The following CDS1 variants were observed in gnomAD, a reference collection of about 807,000 sequenced individuals.
CDS1 encodes the protein phosphatidate cytidylyltransferase 1.
A neutral mutation model predicts 62.1 loss-of-function variants in CDS1; 41 were observed. The ratio of observed to expected loss-of-function variants is 0.66; its 90% CI spans 0.51 to 0.86. The LOEUF is 0.86. Ranked by LOEUF, CDS1 falls within the 40% of genes least tolerant of loss-of-function variation. CDS1 has a pLI of 0.00. For missense variants in CDS1, 470 were observed against 550.1 expected, an observed-to-expected ratio of 0.85 and a Z score of 1.46; for synonymous variants, 185 against 192.6, an observed-to-expected ratio of 0.96 and a Z score of 0.32.
At position 84,609,497 on chromosome 4, in the gene CDS1, A is replaced by G. The variant is rs373758079; in HGVS notation, c.314A>G (p.Tyr105Cys). Residue 105 changes from tyrosine (Y) to cysteine (C), a missense_variant, in exon 3 of 13, where the codon TAT becomes TGT. By Grantham distance (194) the Tyr-to-Cys change is radical. Coordinates refer to ENST00000295887, the MANE Select transcript of CDS1 (RefSeq NM_001263.4). ...TMISLFFLII[Y>C]MGSFMLMLLV... ...ATCTCGTTGTTTTTCCTGATCATCT[A>G]TATGGGATCCTTCATGCTGATGCTT... The G allele has an allele frequency of 4.5e-5, 73 of 1,606,820 alleles. No homozygotes were observed. Among genetic ancestry groups the G allele is most frequent in the Non-Finnish European group, 5.9e-5 (69 of 1,173,824 alleles).
chr4:84,628,171 A>C (rs551771408), intron 5 of CDS1, among the ~76,000 whole-genome samples: 1 of 152,246 alleles, frequency 6.6e-6, no homozygotes, highest in Admixed American at 6.5e-5. Flanking sequence ...AAGCGGAAGA[A>C]TGGGGGATGA....
chr4:84,635,449 T>C (rs1724154704), intron 8 of CDS1, 98 bp downstream of exon 8: 3 of 742,220 alleles, frequency 4.0e-6, no homozygotes, highest in Non-Finnish European at 4.8e-6. Context: ...TTTTTTATTT[T>C]TGAGGTGCTT....
intron 5 of CDS1, among the ~76,000 whole-genome samples, chr4:84,627,911 T>C (rs1421671129): frequency 6.6e-6 from 1 of 152,166 alleles, no homozygotes; most frequent in African/African-American, 2.4e-5. Context: ...ACTATACACA[T>C]GCTAGTATTG....
intron 1 of CDS1, among the ~76,000 whole-genome samples, chr4:84,583,871 C>G (rs1414056429): frequency 6.6e-6 from 1 of 152,186 alleles, no homozygotes; most frequent in Non-Finnish European, 1.5e-5. Flanking sequence ...CAGTTAGTAG[C>G]TGCCACCTCA....
intron 1 of CDS1, among the ~76,000 whole-genome samples, chr4:84,591,568 A>G (rs1722591977): frequency 1.3e-5 from 2 of 152,236 alleles, no homozygotes; most frequent in Admixed American, 6.5e-5. Flanking sequence ...GAATAATGAT[A>G]TAAACTAATT....
At chr4:84,632,687 G>C (rs1049087959) in intron 6 of CDS1, among the ~76,000 whole-genome samples, 14 of 152,090 alleles carry the variant, frequency 9.2e-5, no homozygotes, top group African/African-American at 3.4e-4. Context: ...AATGTAAATG[G>C]CATCTATTGG....
At chr4:84,612,291 GGAATTAA>G (rs1321537775) in intron 3 of CDS1, among the ~76,000 whole-genome samples, 1 of 151,658 alleles carries the variant, frequency 6.6e-6, no homozygotes, top group Non-Finnish European at 1.5e-5. Context: ...GAATTTATTT[GGAATTAA>G]GAATTAAGAA....
chr4:84,623,537 G>A (rs1723755015), intron 5 of CDS1, among the ~76,000 whole-genome samples: 1 of 152,080 alleles, frequency 6.6e-6, no homozygotes, highest in Admixed American at 6.6e-5. Flanking sequence ...AAATTTTGTA[G>A]ACATGTTTCT....
intron 5 of CDS1, among the ~76,000 whole-genome samples, chr4:84,629,286 C>T (rs1723948560): frequency 6.7e-6 from 1 of 150,328 alleles, no homozygotes; most frequent in Admixed American, 6.6e-5. Flanking sequence ...AAAAATAATA[C>T]ACAGTTGGCC....
At chr4:84,584,185 A>G (rs1001112841) in intron 1 of CDS1, among the ~76,000 whole-genome samples, 1 of 152,130 alleles carries the variant, frequency 6.6e-6, no homozygotes, top group Non-Finnish European at 1.5e-5. Flanking sequence ...TTCCTTTTCT[A>G]TAGATTACTC....
At position 84,583,236 on chromosome 4, in the gene CDS1, A is replaced by G; in HGVS notation, c.-166A>G. 1.8e-6 allele frequency: 1 copy of G among 542,186 alleles called. No homozygotes were observed. The highest frequency in any genetic ancestry group is 2.3e-5 in the South Asian group (1 of 43,664). 33.6% of individuals were successfully genotyped at this position (542,186 alleles called of 1,614,324 possible). On this transcript the variant is annotated 5_prime_UTR_variant, in exon 1 of 13. It removes the in-frame stop codon of an upstream open reading frame in the 5' UTR. Transcript: ENST00000295887. ...TCTCGTTGATGCCGTTTTGGAGGTGACCGGCGCGGCGGCCGCTCTATGGTG... is the reference window on the plus strand; with the variant it reads ...TCTCGTTGATGCCGTTTTGGAGGTGGCCGGCGCGGCGGCCGCTCTATGGTG...
At chr4:84,599,112 T>G (rs1722841017) in intron 1 of CDS1, among the ~76,000 whole-genome samples, 1 of 152,144 alleles carries the variant, frequency 6.6e-6, no homozygotes, top group Admixed American at 6.5e-5. Flanking sequence ...GGCTGGACAT[T>G]CAAGATAAAC....
chr4:84,635,685 T>TCCTC (rs1724181626), intron 8 of CDS1, among the ~76,000 whole-genome samples: 2 of 120,988 alleles, frequency 1.7e-5, no homozygotes, highest in Non-Finnish European at 3.4e-5. Context: ...CTTCCTTCCT[T>TCCTC]CCTTCCCTCC....
chr4:84,586,013 C>T (rs984382838), intron 1 of CDS1, among the ~76,000 whole-genome samples: 7 of 152,274 alleles, frequency 4.6e-5, no homozygotes, highest in African/African-American at 1.7e-4. Context: ...ATTCCTGGGA[C>T]TCACCAGGTT....
chr4:84,609,180 CAAAAAAAAAAAA>C (rs1230335142), intron 2 of CDS1, among the ~76,000 whole-genome samples: 1 of 91,474 alleles, frequency 1.1e-5, no homozygotes, highest in African/African-American at 5.3e-5. Flanking sequence ...GACTCCGTCT[CAAAAAAAAAAAA>C]AAAAAAAAAG....
At chr4:84,646,375 T>G (rs1009206831) in intron 12 of CDS1, among the ~76,000 whole-genome samples, 1 of 152,208 alleles carries the variant, frequency 6.6e-6, no homozygotes, top group East Asian at 1.9e-4. Context: ...ATGTTCAATA[T>G]GCTGTTCTTT....
intron 3 of CDS1, among the ~76,000 whole-genome samples, chr4:84,617,073 TCTAA>T (rs1286939797): frequency 2.0e-5 from 3 of 152,194 alleles, no homozygotes; most frequent in Non-Finnish European, 4.4e-5. Context: ...TAGAAAGTGT[TCTAA>T]CTATTTGTCC....
At chr4:84,603,452 T>G (rs1265003679) in intron 1 of CDS1, among the ~76,000 whole-genome samples, 1 of 152,136 alleles carries the variant, frequency 6.6e-6, no homozygotes, top group Non-Finnish European at 1.5e-5. Flanking sequence ...GGAGAGGTTG[T>G]AGAAGAGGAA....
At chr4:84,612,289 T>C (rs1723347546) in intron 3 of CDS1, among the ~76,000 whole-genome samples, 1 of 152,038 alleles carries the variant, frequency 6.6e-6, no homozygotes, top group Non-Finnish European at 1.5e-5. Flanking sequence ...GAGAATTTAT[T>C]TGGAATTAAG....
Sources: allele counts gnomAD v4.1 joint callset (sites outside exome capture counted in the v4.1 genomes callset), GRCh38; gene constraint gnomAD v4.1.1; transcripts MANE v1.5; gene names NCBI Gene and HGNC (gene_info 2026-07-23, HGNC 2026-07-21).